HSD17B12: variants seen among roughly 807,000 people sequenced by gnomAD.
HSD17B12 encodes the protein very-long-chain 3-oxoacyl-CoA reductase.
A neutral mutation model predicts 39.3 loss-of-function variants in HSD17B12; 32 were observed. The ratio of observed to expected loss-of-function variants is 0.81; its 90% CI spans 0.61 to 1.09. The LOEUF (loss-of-function observed/expected upper bound fraction) is 1.09. HSD17B12 is among the 50% of genes least tolerant of loss of function. The pLI is 0.00. For synonymous variants in HSD17B12, 150 were observed against 146.7 expected, an observed-to-expected ratio of 1.02 and a Z score of -0.16; for missense variants, 342 against 382.9, an observed-to-expected ratio of 0.89 and a Z score of 0.89.
At chr11:43,839,183 G>C (rs1951399845) in intron 8 of HSD17B12, among the ~76,000 whole-genome samples, 1 of 152,042 alleles carries the variant, frequency 6.6e-6, no homozygotes, top group Non-Finnish European at 1.5e-5. Context: ...TTCAGGGAAG[G>C]AAAAGAGCAA....
the HSD17B12 span, among the ~76,000 whole-genome samples, chr11:43,665,093 T>G: frequency 0.89 from 135,947 of 152,128 alleles, 61,968 homozygotes; most frequent in Non-Finnish European, 0.98. Context: ...ATGTAATACA[T>G]AATATATTAA....
At chr11:43,661,014 A>T in the HSD17B12 span, among the ~76,000 whole-genome samples, 1 of 152,112 alleles carries the variant, frequency 6.6e-6, no homozygotes, top group African/African-American at 2.4e-5. Flanking sequence ...AATCCTGGCT[A>T]CCCCAGAGGC....
chr11:43,636,443 T>A, the HSD17B12 span, among the ~76,000 whole-genome samples: 2 of 152,150 alleles, frequency 1.3e-5, no homozygotes, highest in African/African-American at 4.8e-5. Context: ...ACAGTTAAGG[T>A]CCTGGACTAA....
chr11:43,808,880 A>G (rs1951043235), intron 4 of HSD17B12, among the ~76,000 whole-genome samples: 1 of 152,260 alleles, frequency 6.6e-6, no homozygotes, highest in Non-Finnish European at 1.5e-5. Flanking sequence ...GAGTATGAAC[A>G]TGTGCTAGCT....
chr11:43,789,711 G>T (rs1436735676), intron 3 of HSD17B12, among the ~76,000 whole-genome samples: 2 of 152,192 alleles, frequency 1.3e-5, no homozygotes, highest in Non-Finnish European at 2.9e-5. Context: ...CACTTTGGGA[G>T]CTCATAGCAG....
At chr11:43,810,388 TATATATATATATATAA>T (rs976328539) in intron 4 of HSD17B12, among the ~76,000 whole-genome samples, 28 of 128,148 alleles carry the variant, frequency 2.2e-4, no homozygotes, top group Non-Finnish European at 3.3e-4. Flanking sequence ...TATATATATA[TATATATATATATATAA>T]AATTCAGAAT....
At chr11:43,701,323 A>G (rs577201096) in intron 1 of HSD17B12, among the ~76,000 whole-genome samples, 2 of 152,220 alleles carry the variant, frequency 1.3e-5, no homozygotes, top group South Asian at 4.1e-4. Flanking sequence ...TGCTGTGCAG[A>G]AGCTTTTTAA....
chr11:43,582,578 G>A, the HSD17B12 span, among the ~76,000 whole-genome samples: 10 of 152,212 alleles, frequency 6.6e-5, no homozygotes, highest in Non-Finnish European at 1.3e-4. Context: ...AGACACCGGA[G>A]TTCAAGACCC....
intron 1 of HSD17B12, among the ~76,000 whole-genome samples, chr11:43,695,578 CA>C (rs1161420376): frequency 6.6e-6 from 1 of 150,558 alleles, no homozygotes; most frequent in Admixed American, 6.6e-5. Flanking sequence ...AACTTCGTCT[CA>C]AAAAAAAATC....
At chr11:43,700,476 C>T (rs1949953930) in intron 1 of HSD17B12, among the ~76,000 whole-genome samples, 1 of 152,038 alleles carries the variant, frequency 6.6e-6, no homozygotes, top group African/African-American at 2.4e-5. Context: ...TCCGCACCTC[C>T]CTCCCAGCCC....
the HSD17B12 span, among the ~76,000 whole-genome samples, chr11:43,570,809 C>A: frequency 1.3e-5 from 2 of 152,166 alleles, no homozygotes; most frequent in African/African-American, 4.8e-5. Context: ...TTTCTCCCCT[C>A]CCCTTTTCTT....
rs1415049315 is a variant in HSD17B12 at position 43,817,022 on chromosome 11, CTATATCTATATCTATATCTATA to C, written c.501+637_501+658del. Among the ~76,000 whole-genome samples, 135 of 20,806 alleles carry C rather than the reference CTATATCTATATCTATATCTATA, an allele frequency of 6.5e-3. 1 individual carries two copies. The highest frequency in any genetic ancestry group is 9.9e-3 in the Non-Finnish European group (75 of 7,594). The allele number at this position is 20,806 out of a possible 152,430, so 13.6% of individuals were successfully genotyped here. On this transcript the variant is annotated intron_variant, in intron 6 of 10. Coordinates refer to ENST00000278353, the MANE Select transcript of HSD17B12 (RefSeq NM_016142.3). The stretch of plus-strand genomic sequence containing the variant: ...TCTATATCTATATCTATATCTATAT[CTATATCTATATCTATATCTATA>C]TATATATATATATATCTCGTGGTTT...
At chr11:43,849,557 A>G (rs1449385123) in intron 9 of HSD17B12, among the ~76,000 whole-genome samples, 1 of 152,090 alleles carries the variant, frequency 6.6e-6, no homozygotes, top group Non-Finnish European at 1.5e-5. Flanking sequence ...AAGGCTCTTC[A>G]CCCAGATATT....
chr11:43,823,287 T>C (rs986797456), intron 6 of HSD17B12, among the ~76,000 whole-genome samples: 9 of 152,212 alleles, frequency 5.9e-5, no homozygotes, highest in African/African-American at 1.2e-4. Flanking sequence ...TTTTCTTTTT[T>C]TGAGACAGGG....
chr11:43,613,827 C>T, the HSD17B12 span, among the ~76,000 whole-genome samples: 24 of 152,104 alleles, frequency 1.6e-4, no homozygotes, highest in East Asian at 5.8e-4. Context: ...CCACTACGCC[C>T]GGCTAATTTT....
chr11:43,770,669 A>G (rs1002247908), intron 3 of HSD17B12, among the ~76,000 whole-genome samples: 1 of 152,218 alleles, frequency 6.6e-6, no homozygotes, highest in African/African-American at 2.4e-5. Context: ...TGGGAGGTTG[A>G]GGCTGCAATG....
At chr11:43,740,342 G>C (rs1193426533) in intron 1 of HSD17B12, among the ~76,000 whole-genome samples, 1 of 152,112 alleles carries the variant, frequency 6.6e-6, no homozygotes, top group Non-Finnish European at 1.5e-5. Context: ...TTCTTATAAT[G>C]ATGTGAATAT....
At chr11:43,698,467 G>A (rs1443865941) in intron 1 of HSD17B12, among the ~76,000 whole-genome samples, 3 of 152,166 alleles carry the variant, frequency 2.0e-5, no homozygotes, top group African/African-American at 7.2e-5. Context: ...TAAGTTGAGT[G>A]TATTCCATGT....
At chr11:43,619,227 T>TATTA in the HSD17B12 span, among the ~76,000 whole-genome samples, 3 of 35,980 alleles carry the variant, frequency 8.3e-5, no homozygotes, top group Non-Finnish European at 1.7e-4. Context: ...TATATATATA[T>TATTA]GATATATATA....
Sources: allele counts gnomAD v4.1 joint callset (sites outside exome capture counted in the v4.1 genomes callset), GRCh38; gene constraint gnomAD v4.1.1; transcripts MANE v1.5; gene names NCBI Gene and HGNC (gene_info 2026-07-23, HGNC 2026-07-21).